NBAS: variants seen among roughly 807,000 people sequenced by gnomAD.
The protein encoded by NBAS is NAG/BC035112 fusion.
NBAS carries 219 observed loss-of-function variants against 302.5 expected under a neutral mutation model. That is an observed-to-expected ratio of 0.72 (90% CI 0.65 to 0.81). The LOEUF (loss-of-function observed/expected upper bound fraction) is 0.81, where lower values mean the gene tolerates loss of function less well. Ranked by LOEUF, NBAS falls within the 30% of genes least tolerant of loss-of-function variation. The pLI is 0.00. For missense variants in NBAS, 2,932 were observed against 2,841.6 expected (o/e 1.03, Z -0.72); for synonymous variants, 1,118 against 1,021.6 (o/e 1.09, Z -1.80).
At chr2:15,538,443 C>T (rs552082501) in intron 7 of NBAS, 1 of 343,710 alleles carries the variant, frequency 2.9e-6, no homozygotes, top group South Asian at 2.4e-5. Context: ...CAGCTAAAAG[C>T]TTATAAACAA....
At chr2:14,966,541 G>A in the NBAS span, among the ~76,000 whole-genome samples, 4 of 152,030 alleles carry the variant, frequency 2.6e-5, no homozygotes, top group African/African-American at 9.7e-5. Flanking sequence ...TGCAACTACT[G>A]TATTCTCCAT....
intron 11 of NBAS, among the ~76,000 whole-genome samples, chr2:15,501,268 G>A (rs537841310): frequency 4.7e-5 from 7 of 149,336 alleles, no homozygotes; most frequent in South Asian, 4.2e-4. Flanking sequence ...GCAACAGAGC[G>A]ACACTCTGCC....
At chr2:14,843,609 C>T in the NBAS span, among the ~76,000 whole-genome samples, 9 of 150,316 alleles carry the variant, frequency 6.0e-5, no homozygotes, top group Non-Finnish European at 1.2e-4. Flanking sequence ...GACCAAAAAT[C>T]AGGTGAGTAC....
intron 44 of NBAS, among the ~76,000 whole-genome samples, chr2:15,265,980 T>C (rs1669058089): frequency 6.6e-6 from 1 of 152,302 alleles, no homozygotes; most frequent in Admixed American, 6.5e-5. Context: ...AATCTTGCCT[T>C]GAATTGTAAT....
chr2:15,024,377 T>C, the NBAS span, among the ~76,000 whole-genome samples: 3 of 152,288 alleles, frequency 2.0e-5, no homozygotes, highest in South Asian at 6.2e-4. Flanking sequence ...CAGTCTTCTG[T>C]CGATGGCCAT....
At chr2:15,207,555 T>C (rs1337960205) in intron 48 of NBAS, among the ~76,000 whole-genome samples, 1 of 152,162 alleles carries the variant, frequency 6.6e-6, no homozygotes, top group Middle Eastern at 3.2e-3. Context: ...TGGCTCTGTG[T>C]CCCCACCCAA....
chr2:15,046,715 A>C, the NBAS span, among the ~76,000 whole-genome samples: 2 of 152,198 alleles, frequency 1.3e-5, no homozygotes, highest in Admixed American at 1.3e-4. Flanking sequence ...AGCGGGGAAA[A>C]AGAGTTATTC....
At chr2:15,110,910 A>G in the NBAS span, among the ~76,000 whole-genome samples, 6 of 152,306 alleles carry the variant, frequency 3.9e-5, no homozygotes, top group South Asian at 1.0e-3. Context: ...AAGGGCTTGA[A>G]GAAACATAAT....
chr2:15,034,812 C>T, the NBAS span, among the ~76,000 whole-genome samples: 2 of 152,030 alleles, frequency 1.3e-5, no homozygotes, highest in East Asian at 3.9e-4. Flanking sequence ...TCTGTAATAC[C>T]AGCCCTTCCT....
At chr2:15,184,739 G>C (rs548619236) in intron 50 of NBAS, among the ~76,000 whole-genome samples, 1 of 152,328 alleles carries the variant, frequency 6.6e-6, no homozygotes, top group Non-Finnish European at 1.5e-5. Flanking sequence ...GTTTGGGGAA[G>C]CCTGATACAC....
In NBAS at chr2:15,402,241, A is replaced by G. The variant is rs1400269766; in HGVS notation, c.2998T>C (p.Tyr1000His). 6.2e-7 allele frequency: 1 copy of G among 1,613,646 alleles called. No individual in the cohort carries two copies. The highest frequency in any genetic ancestry group is 1.7e-5 in the Admixed American group (1 of 60,006). Reference protein sequence around the residue: ...QLMAIALECIYTCERNDQLCL... With the variant: ...QLMAIALECIHTCERNDQLCL... ...AGTTGATCATTTCGTTCACAGGTAT[A>G]GATGCACTCTAGTGCTATTGCCATC... The change falls in exon 26 of 52, where the codon TAT becomes CAT. Residue 1000 changes from tyrosine (Y) to histidine (H), a missense_variant. Coordinates refer to ENST00000281513, the MANE Select transcript of NBAS (RefSeq NM_015909.4).
chr2:15,442,216 A>G (rs1215936785), intron 21 of NBAS, among the ~76,000 whole-genome samples: 1 of 101,916 alleles, frequency 9.8e-6, no homozygotes, highest in Non-Finnish European at 2.3e-5. Flanking sequence ...TTTTTTCAGC[A>G]CCACACCACA....
the NBAS span, chr2:14,890,718 T>C: frequency 6.6e-6 from 1 of 152,518 alleles, no homozygotes; most frequent in Admixed American, 6.5e-5. Context: ...CTCAGGAGAC[T>C]GAGGCAGAAG....
At chr2:14,897,995 A>G in the NBAS span, among the ~76,000 whole-genome samples, 1 of 152,164 alleles carries the variant, frequency 6.6e-6, no homozygotes, top group Admixed American at 6.5e-5. Context: ...GGAGGGTCCC[A>G]GTGTTTGTTC....
At chr2:15,163,619 CAATCTT>C (rs1663946174), downstream of NBAS, among the ~76,000 whole-genome samples, 1 of 152,152 alleles carries the variant, frequency 6.6e-6, no homozygotes. Flanking sequence ...GTCCCTGACT[CAATCTT>C]ATTCTAGTAA....
chr2:14,884,811 G>A, the NBAS span, among the ~76,000 whole-genome samples: 2 of 152,320 alleles, frequency 1.3e-5, no homozygotes, highest in East Asian at 3.9e-4. Context: ...TTTCAGGAAT[G>A]TAATCGAGGA....
chr2:14,889,571 G>A, the NBAS span, among the ~76,000 whole-genome samples: 4 of 152,148 alleles, frequency 2.6e-5, no homozygotes, highest in East Asian at 1.9e-4. Context: ...AAGAGATCCC[G>A]ACTCTCCACA....
chr2:15,034,424 C>T, the NBAS span, among the ~76,000 whole-genome samples: 2 of 152,098 alleles, frequency 1.3e-5, no homozygotes, highest in African/African-American at 4.8e-5. Context: ...TCACCAGAAT[C>T]AAAACATGCT....
intron 12 of NBAS, among the ~76,000 whole-genome samples, 195 bp downstream of exon 12, chr2:15,488,699 A>G (rs1680735721): frequency 1.3e-5 from 2 of 152,146 alleles, no homozygotes; most frequent in African/African-American, 4.8e-5. Context: ...CCACACTACA[A>G]TTCAAAATTA....
Sources: allele counts gnomAD v4.1 joint callset (sites outside exome capture counted in the v4.1 genomes callset), GRCh38; gene constraint gnomAD v4.1.1; transcripts MANE v1.5; gene names NCBI Gene and HGNC (gene_info 2026-07-23, HGNC 2026-07-21).